The following SSX1 variants were observed in gnomAD, a reference collection of about 807,000 sequenced individuals.
The protein encoded by SSX1 is protein SSX1.
In SSX1, 58 loss-of-function variants were observed where a neutral mutation model predicts 14.6. The observed-to-expected ratio is 3.96, with a 90% CI of 3.21 to 4.93. The LOEUF (loss-of-function observed/expected upper bound fraction) is 4.93, where lower values mean the gene tolerates loss of function less well. SSX1 is among the 30% of genes most tolerant of loss of function. The pLI, the probability that SSX1 is intolerant of heterozygous loss-of-function variation, is 0.00. For synonymous variants in SSX1, 46 were observed against 52.1 expected (o/e 0.88, Z 0.50); for missense variants, 272 against 143.1 (o/e 1.90, Z -4.60).
intron 1 of SSX1, among the ~76,000 whole-genome samples, chrX:48,256,153 TG>T (rs1222799923): frequency 9.7e-6 from 1 of 103,437 alleles, no homozygotes; most frequent in African/African-American, 3.6e-5. Context: ...ACCACCTCGC[TG>T]ATGTTATTAT....
In SSX1 at chrX:48,261,633, C is replaced by T. The variant is rs1367938649; in HGVS notation, c.281-133C>T. ...ACCATGACTAAACATAATTCAGAAG[C>T]AAATCTCAAATAACTCCTCAACAAT... On this transcript the variant is annotated intron_variant, in intron 4 of 7. Coordinates refer to ENST00000376919, the MANE Select transcript of SSX1 (RefSeq NM_005635.4). 8.3e-6 allele frequency: 6 copies of T among 723,729 alleles called. No homozygotes were observed. The African/African-American group carries it at 1.3e-4, about 15-fold the overall frequency. The allele number at this position is 723,729 out of a possible 1,213,427, so 59.6% of individuals were successfully genotyped here.
chrX:48,255,653 T>C (rs2059577972), intron 1 of SSX1, among the ~76,000 whole-genome samples: 1 of 101,791 alleles, frequency 9.8e-6, no homozygotes, highest in Non-Finnish European at 2.0e-5. Context: ...TTTTTTTTAG[T>C]AGAGACGGGG....
intron 5 of SSX1, among the ~76,000 whole-genome samples, chrX:48,262,453 G>T (rs782507294): frequency 9.8e-5 from 11 of 111,775 alleles, no homozygotes; most frequent in Non-Finnish European, 1.3e-4. Flanking sequence ...ACCCACTCTC[G>T]CAACAGGAAG....
intron 5 of SSX1, among the ~76,000 whole-genome samples, chrX:48,262,954 T>C (rs1438316865): frequency 9.1e-6 from 1 of 109,754 alleles, no homozygotes; most frequent in Non-Finnish European, 1.9e-5. Context: ...GCCAACATGG[T>C]GAAACCTCAT....
rs1348338212 is a variant in SSX1, at chrX:48,261,817, T to A, written c.330+2T>A. The stretch of plus-strand genomic sequence containing the variant: ...AGGCTCCACAGAATCATCCCGAAGG[T>A]GAGTATCTCTCAAATCTAAAGGACC... On this transcript the variant is annotated splice_donor_variant, in intron 5 of 7. Coordinates refer to ENST00000376919, the MANE Select transcript of SSX1 (RefSeq NM_005635.4). LOFTEE classifies it high-confidence loss of function. 1.2e-5 allele frequency: 15 copies of A among 1,208,436 alleles called. No homozygotes were observed. Among genetic ancestry groups the A allele is most frequent in the Non-Finnish European group, 1.5e-5 (13 of 894,062 alleles).
chrX:48,265,718 A>G (rs1217372098), intron 6 of SSX1, among the ~76,000 whole-genome samples: 12 of 111,936 alleles, frequency 1.1e-4, no homozygotes, highest in African/African-American at 3.6e-4. Context: ...TGATGTGATT[A>G]TTACGCATTG....
chrX:48,261,938 A>G, intron 5 of SSX1, 123 bp downstream of exon 5: 9 of 814,465 alleles, frequency 1.1e-5, no homozygotes, highest in Admixed American at 2.7e-5. Flanking sequence ...GTCTATCACA[A>G]CAACTTATGT....
intron 1 of SSX1, among the ~76,000 whole-genome samples, chrX:48,255,925 G>T (rs1260341068): frequency 1.0e-5 from 1 of 100,441 alleles, no homozygotes; most frequent in Non-Finnish European, 2.0e-5. Flanking sequence ...GTAGAAACCA[G>T]GTTTCACTAT....
rs781890334 is a variant in SSX1, at chrX:48,257,769, C to G, written c.93C>G (p.Tyr31Ter). The change falls in exon 3 of 8, where the codon TAC (tyrosine) becomes TAG (stop). Residue 31 changes from tyrosine (Y) to a stop codon, truncating the protein, a stop_gained. Coordinates refer to ENST00000376919, the MANE Select transcript of SSX1 (RefSeq NM_005635.4). LOFTEE classifies it high-confidence loss of function. ...RSKAFDDIAT[Y>*]FSKKEWKKMK... ...AGGCCTTTGATGATATTGCCACATA[C>G]TTCTCTAAGAAAGAGTGGAAAAAGA... The G allele has an allele frequency of 1.2e-5, 14 of 1,203,814 alleles. No individual in the cohort carries two copies. The highest frequency in any genetic ancestry group is 1.8e-5 in the African/African-American group (1 of 56,715).
intron 3 of SSX1, among the ~76,000 whole-genome samples, 163 bp downstream of exon 3, chrX:48,258,023 G>C (rs1340539472): frequency 9.1e-6 from 1 of 109,472 alleles, no homozygotes; most frequent in Non-Finnish European, 1.9e-5. Context: ...TATCCTGTCA[G>C]AGCTGAGGGC....
At chrX:48,256,934 G>T (rs1426675181) in intron 1 of SSX1, among the ~76,000 whole-genome samples, 1 of 109,916 alleles carries the variant, frequency 9.1e-6, no homozygotes, top group African/African-American at 3.3e-5. Context: ...ATCTTTCAGG[G>T]TAAGCCTAGC....
At chrX:48,260,310 TC>T (rs1556935289) in intron 4 of SSX1, among the ~76,000 whole-genome samples, 1 of 110,720 alleles carries the variant, frequency 9.0e-6, no homozygotes, top group African/African-American at 3.3e-5. Flanking sequence ...TTTGTTTTTT[TC>T]TTGTAAATTT....
At chrX:48,266,656 G>T (rs782513209) in intron 7 of SSX1, among the ~76,000 whole-genome samples, 198 bp from the exon 8 acceptor site, 1 of 111,746 alleles carries the variant, frequency 8.9e-6, no homozygotes, top group South Asian at 3.8e-4. Context: ...TCTAGCCTAG[G>T]AATGCATAAA....
At chrX:48,257,386 A>G in intron 2 of SSX1, 76 bp downstream of exon 2, 1 of 1,184,462 alleles carries the variant, frequency 8.4e-7, no homozygotes, top group Non-Finnish European at 1.1e-6. Context: ...GGAGGGGAGG[A>G]CAGAGGTACT....
chrX:48,263,247 G>C (rs782306619), intron 5 of SSX1, among the ~76,000 whole-genome samples: 49 of 111,312 alleles, frequency 4.4e-4, no homozygotes, highest in African/African-American at 1.2e-3. Context: ...CCTCGGTAGG[G>C]TGGTATGCCA....
Position 48,257,768 on chromosome X carries a change from A to T in SSX1, c.92A>T (p.Tyr31Phe). ...RSKAFDDIAT[Y>F]FSKKEWKKMK... is the part of the protein sequence containing the mutation. Reference sequence around the variant, plus strand: ...TAGGCCTTTGATGATATTGCCACATACTTCTCTAAGAAAGAGTGGAAAAAG... The same window carrying T: ...TAGGCCTTTGATGATATTGCCACATTCTTCTCTAAGAAAGAGTGGAAAAAG... Residue 31 changes from tyrosine to phenylalanine, a missense_variant, in exon 3 of 8, where the codon TAC becomes TTC. Physicochemically the swap from Tyr to Phe is conservative, Grantham distance 22 (BLOSUM62 3). Coordinates refer to ENST00000376919, the MANE Select transcript of SSX1 (RefSeq NM_005635.4). 1 of 1,206,175 alleles carries T rather than the reference A, an allele frequency of 8.3e-7. No homozygotes were observed. The highest frequency in any genetic ancestry group is 1.8e-5 in the South Asian group (1 of 56,360).
At chrX:48,256,185 G>C (rs1556934285) in intron 1 of SSX1, among the ~76,000 whole-genome samples, 1 of 104,651 alleles carries the variant, frequency 9.6e-6, no homozygotes, top group East Asian at 3.1e-4. Context: ...ATTATTAGTA[G>C]TAGAAATGGG....
At chrX:48,258,759 C>T in intron 4 of SSX1, 128 bp downstream of exon 4, 2 of 506,762 alleles carry the variant, frequency 3.9e-6, no homozygotes, top group Non-Finnish European at 3.3e-6. Context: ...AAAAAAATTG[C>T]ATACAGAAAG....
Position 48,259,518 on chromosome X carries a change from G to C in SSX1, c.280+887G>C, listed in dbSNP as rs2059596493. Among the ~76,000 whole-genome samples the C allele has an allele frequency of 3.6e-5, 4 of 110,563 alleles. No individual in the cohort carries two copies. The Admixed American group carries it at 3.9e-4, about 11-fold the overall frequency. On this transcript the variant is annotated intron_variant, in intron 4 of 7. Coordinates refer to ENST00000376919, the MANE Select transcript of SSX1 (RefSeq NM_005635.4). ...CACAATGTGCAGGTTAGTTACATGTGTATACATGTGCCATGCTGGTGCGCT... is the reference window on the plus strand; with the variant it reads ...CACAATGTGCAGGTTAGTTACATGTCTATACATGTGCCATGCTGGTGCGCT...
Sources: gnomAD v4.1 joint callset for allele counts (sites outside exome capture counted in the v4.1 genomes callset) on GRCh38, gnomAD v4.1.1 for gene constraint, MANE v1.5 for transcripts, NCBI Gene and HGNC (gene_info 2026-07-23, HGNC 2026-07-21) for gene names.